UGGT1: variants seen among roughly 807,000 people sequenced by gnomAD.
UGGT1 encodes UDP-glucose glycoprotein glucosyltransferase 1.
A neutral mutation model predicts 203.9 loss-of-function variants in UGGT1; 107 were observed. The observed-to-expected ratio is 0.52, with a 90% CI of 0.45 to 0.62. The LOEUF is 0.62. UGGT1 is among the 20% of genes least tolerant of loss of function. The pLI, the probability that UGGT1 is intolerant of heterozygous loss-of-function variation, is 0.00. For synonymous variants in UGGT1, 628 were observed against 653.5 expected (o/e 0.96, Z 0.59); for missense variants, 1,673 against 1,867.2 (o/e 0.90, Z 1.92).
rs763741974 is a variant in UGGT1 at position 128,190,339 on chromosome 2, A to C, written c.*597A>C. 1 of 152,210 alleles carries C rather than the reference A, an allele frequency of 6.6e-6. No homozygotes were observed. Among genetic ancestry groups the C allele is most frequent in the Non-Finnish European group, 1.5e-5 (1 of 68,130 alleles). 9.4% of individuals were successfully genotyped at this position (152,210 alleles called of 1,614,324 possible). ...GCTGGTTTGGTGCAGTGGCTGGGCAAATTAATTTTGGGCCAGGATGGGGGT... is the reference window on the plus strand; with the variant it reads ...GCTGGTTTGGTGCAGTGGCTGGGCACATTAATTTTGGGCCAGGATGGGGGT... On this transcript the variant is annotated 3_prime_UTR_variant, in exon 41 of 41. Transcript: ENST00000259253.
intron 18 of UGGT1, among the ~76,000 whole-genome samples, chr2:128,149,976 GTAAAA>G (rs1329173486): frequency 2.0e-5 from 3 of 151,992 alleles, no homozygotes; most frequent in Admixed American, 2.0e-4. Flanking sequence ...AAATATATAA[GTAAAA>G]TAAAATAAAC....
At chr2:128,098,461 TGATAAAACGGTG>T (rs777143714) in intron 2 of UGGT1, among the ~76,000 whole-genome samples, 6 of 152,160 alleles carry the variant, frequency 3.9e-5, no homozygotes, top group Non-Finnish European at 5.9e-5. Context: ...TCTTTTTAAA[TGATAAAACGGTG>T]GCTAGGTACG....
intron 32 of UGGT1, 125 bp downstream of exon 32, chr2:128,177,023 G>A: frequency 1.2e-6 from 1 of 827,490 alleles, no homozygotes; most frequent in South Asian, 1.8e-5. Context: ...ACTGCTTTAA[G>A]GCAAAATGTC....
chr2:128,132,952 C>T (rs998771374), intron 13 of UGGT1, among the ~76,000 whole-genome samples, 189 bp from the exon 14 acceptor site: 1 of 152,172 alleles, frequency 6.6e-6, no homozygotes, highest in Admixed American at 6.5e-5. Flanking sequence ...AGTGATCCTC[C>T]TGCCTTGTCC....
At position 128,192,568 on chromosome 2, in the gene UGGT1, T is replaced by C. The variant is rs1230957462; in HGVS notation, c.*2826T>C. 2 of 152,168 alleles carry C rather than the reference T, an allele frequency of 1.3e-5. No homozygotes were observed. The highest frequency in any genetic ancestry group is 6.5e-5 in the Admixed American group (1 of 15,274). 9.4% of individuals were successfully genotyped at this position (152,168 alleles called of 1,614,324 possible). On this transcript the variant is annotated 3_prime_UTR_variant, in exon 41 of 41. Transcript: ENST00000259253. Reference sequence around the variant, plus strand: ...TAAGTGACAGAGTAATATGAAATAATGTGATATGTCAGAGTGACATGCAGC... The same window carrying C: ...TAAGTGACAGAGTAATATGAAATAACGTGATATGTCAGAGTGACATGCAGC...
At chr2:128,155,402 A>G in intron 19 of UGGT1, 87 bp from the exon 20 acceptor site, 1 of 978,692 alleles carries the variant, frequency 1.0e-6, no homozygotes. Flanking sequence ...TATAAATCTT[A>G]TATTATGATC....
intron 2 of UGGT1, among the ~76,000 whole-genome samples, chr2:128,102,372 G>A (rs1325116128): frequency 6.6e-6 from 1 of 152,124 alleles, no homozygotes; most frequent in Non-Finnish European, 1.5e-5. Context: ...TGGAACTCCT[G>A]ACCTCAGGTG....
In UGGT1 at chr2:128,138,793, G is replaced by C. The variant is rs1689267544; in HGVS notation, c.1660G>C (p.Ala554Pro). 1 of 1,613,990 alleles carries C rather than the reference G, an allele frequency of 6.2e-7. No individual in the cohort carries two copies. ...AGATGCTGGAGTGGCTGTTCTTAGA[G>C]CATATAATTATGTTGCCCAAGAAGT... ...MQDAGVAVLR[A>P]YNYVAQEVDD... is the part of the protein sequence containing the mutation. Residue 554 changes from alanine to proline, a missense_variant, in exon 16 of 41, where the codon GCA becomes CCA. By Grantham distance (27) the Ala-to-Pro change is conservative. Transcript: ENST00000259253.
At chr2:128,189,649 G>A in intron 40 of UGGT1, 68 bp from the exon 41 acceptor site, 1 of 1,520,102 alleles carries the variant, frequency 6.6e-7, no homozygotes, top group South Asian at 1.2e-5. Context: ...GATGAAAAAT[G>A]CCCACTCAGT....
At chr2:128,123,086 C>A in intron 10 of UGGT1, 100 bp from the exon 11 acceptor site, 1 of 874,660 alleles carries the variant, frequency 1.1e-6, no homozygotes, top group Non-Finnish European at 1.7e-6. Flanking sequence ...TCAGTTTTTT[C>A]TAATTTATTG....
intron 15 of UGGT1, among the ~76,000 whole-genome samples, chr2:128,137,505 C>T (rs916614471): frequency 3.9e-5 from 6 of 152,290 alleles, no homozygotes; most frequent in Non-Finnish European, 8.8e-5. Flanking sequence ...TATGGCTTGT[C>T]CTTTCATTCT....
At position 128,172,667 on chromosome 2, in the gene UGGT1, TC is replaced by T; in HGVS notation, c.3200del (p.Ser1067PhefsTer6). 2 of 1,614,148 alleles carry T rather than the reference TC, an allele frequency of 1.2e-6. No homozygotes were observed. Among genetic ancestry groups the T allele is most frequent in the Non-Finnish European group, 1.7e-6 (2 of 1,180,014 alleles). ...CGCAAAATTTTTGGATATGCCTCAG[TC>T]TCCACTGTTCACTCTGAATTTGAAC... ...PIAKFLDMPQ[S>X]PLFTLNLNTP... On this transcript the variant is annotated frameshift_variant, in exon 29 of 41. Transcript: ENST00000259253. LOFTEE classifies it high-confidence loss of function.
At chr2:128,177,740 A>T in intron 32 of UGGT1, 92 bp from the exon 33 acceptor site, 2 of 1,021,198 alleles carry the variant, frequency 2.0e-6, no homozygotes, top group Non-Finnish European at 1.4e-6. Flanking sequence ...ATAATTCCCT[A>T]TTGATGACAG....
In UGGT1 at chr2:128,190,708, C is replaced by T. The variant is rs1692218892; in HGVS notation, c.*966C>T. 6.6e-6 allele frequency: 1 copy of T among 152,402 alleles called. No homozygotes were observed. The highest frequency in any genetic ancestry group is 2.4e-5 in the African/African-American group (1 of 41,474). 9.4% of individuals were successfully genotyped at this position (152,402 alleles called of 1,614,324 possible). On this transcript the variant is annotated 3_prime_UTR_variant, in exon 41 of 41. Transcript: ENST00000259253. ...TCAGGCTCCCTCAAGACGAGCACCG[C>T]ATTGTCTGCCCTCTTTTGCGTAGGA...
intron 16 of UGGT1, among the ~76,000 whole-genome samples, chr2:128,142,699 T>C (rs1689496808): frequency 6.8e-6 from 1 of 147,674 alleles, no homozygotes; most frequent in Non-Finnish European, 1.5e-5. Flanking sequence ...AGAAAAGTAA[T>C]TGGCCAGGCG....
At chr2:128,116,913 A>T (rs185021551) in intron 8 of UGGT1, among the ~76,000 whole-genome samples, 97 of 152,310 alleles carry the variant, frequency 6.4e-4, no homozygotes, top group Admixed American at 1.7e-3. Context: ...GCATTAAGTT[A>T]CATACCATTT....
At chr2:128,159,793 G>A (rs943455587) in intron 23 of UGGT1, 73 bp downstream of exon 23, 2 of 1,449,070 alleles carry the variant, frequency 1.4e-6, no homozygotes, top group African/African-American at 1.4e-5. Flanking sequence ...CAGCTTACGT[G>A]TCCGGTTCAT....
At chr2:128,165,237 C>T (rs925098770) in intron 26 of UGGT1, among the ~76,000 whole-genome samples, 1 of 152,100 alleles carries the variant, frequency 6.6e-6, no homozygotes, top group African/African-American at 2.4e-5. Flanking sequence ...GACCAGCAAA[C>T]AAAGGGAGAC....
intron 17 of UGGT1, among the ~76,000 whole-genome samples, chr2:128,144,691 C>G (rs899739375): frequency 2.0e-5 from 3 of 152,152 alleles, no homozygotes; most frequent in Admixed American, 6.5e-5. Context: ...GCTTTTTAGG[C>G]TGTGCCATGT....
Sources: allele counts gnomAD v4.1 joint callset (sites outside exome capture counted in the v4.1 genomes callset), GRCh38; gene constraint gnomAD v4.1.1; transcripts MANE v1.5; gene names NCBI Gene and HGNC (gene_info 2026-07-23, HGNC 2026-07-21).